LNX1: variants seen among roughly 807,000 people sequenced by gnomAD.
LNX1 encodes the protein ligand of numb-protein X 1, also known as E3 ubiquitin-protein ligase LNX.
In LNX1, 54 loss-of-function variants were observed where a neutral mutation model predicts 68.4. The observed-to-expected ratio is 0.79, with a 90% CI of 0.63 to 0.99. The LOEUF (loss-of-function observed/expected upper bound fraction) is 0.99. Among genes scored for constraint, LNX1 ranks in the 50% least tolerant of loss-of-function variants. LNX1 has a pLI of 0.00. For synonymous variants in LNX1, 336 were observed against 350.0 expected, an observed-to-expected ratio of 0.96 and a Z score of 0.45; for missense variants, 906 against 926.4, an observed-to-expected ratio of 0.98 and a Z score of 0.29.
chr4:53,477,293 C>A (rs1158795424), intron 8 of LNX1, among the ~76,000 whole-genome samples: 1 of 152,100 alleles, frequency 6.6e-6, no homozygotes, highest in Non-Finnish European at 1.5e-5. Flanking sequence ...TCAAAGAAAA[C>A]CTACTTTTTC....
chr4:53,488,492 A>G (rs1724472806), intron 6 of LNX1, among the ~76,000 whole-genome samples: 1 of 152,276 alleles, frequency 6.6e-6, no homozygotes, highest in Non-Finnish European at 1.5e-5. Context: ...GTGTGTGCAC[A>G]TGCAGAATAG....
chr4:53,527,940 T>C (rs953668249), intron 2 of LNX1, among the ~76,000 whole-genome samples: 20 of 152,252 alleles, frequency 1.3e-4, no homozygotes, highest in African/African-American at 3.9e-4. Flanking sequence ...TATGGTCTAA[T>C]AAAGTTTACT....
chr4:53,606,492 A>T (rs1733241784), intron 2 of LNX1, among the ~76,000 whole-genome samples: 1 of 152,064 alleles, frequency 6.6e-6, no homozygotes, highest in Non-Finnish European at 1.5e-5. Context: ...CAAACAAAAA[A>T]AAAACAGAAC....
At chr4:53,644,038 C>T (rs377216570) in intron 1 of LNX1, among the ~76,000 whole-genome samples, 12 of 152,214 alleles carry the variant, frequency 7.9e-5, no homozygotes, top group Admixed American at 4.6e-4. Context: ...CCCTGCTCCT[C>T]AAAAGCAAAA....
At chr4:53,523,820 A>C (rs1577658559) in intron 2 of LNX1, among the ~76,000 whole-genome samples, 1 of 152,296 alleles carries the variant, frequency 6.6e-6, no homozygotes, top group African/African-American at 2.4e-5. Context: ...ATTATCCTAA[A>C]ATACTCAATG....
chr4:53,473,366 G>A (rs2109395514), intron 9 of LNX1, among the ~76,000 whole-genome samples: 1 of 152,280 alleles, frequency 6.6e-6, no homozygotes, highest in Non-Finnish European at 1.5e-5. Flanking sequence ...AAAACATGCA[G>A]CACTATTTAC....
chr4:53,483,623 T>C (rs1724092900), intron 6 of LNX1, among the ~76,000 whole-genome samples: 1 of 152,154 alleles, frequency 6.6e-6, no homozygotes, highest in South Asian at 2.1e-4. Flanking sequence ...ATTAGAAAGA[T>C]TCCCAAGACA....
At chr4:53,621,269 C>T (rs1733869767), upstream of LNX1, among the ~76,000 whole-genome samples, 5 of 152,268 alleles carry the variant, frequency 3.3e-5, no homozygotes, top group Middle Eastern at 0.01. Context: ...ATTATATTCC[C>T]TGTGCAGTGC....
intron 6 of LNX1, among the ~76,000 whole-genome samples, chr4:53,490,116 A>G (rs1284243768): frequency 8.0e-6 from 1 of 125,478 alleles, no homozygotes; most frequent in Admixed American, 9.0e-5. Flanking sequence ...ATGAATTCTC[A>G]TTTAAATATT....
chr4:53,463,614 C>T (rs1722377964), intron 9 of LNX1, among the ~76,000 whole-genome samples: 1 of 144,496 alleles, frequency 6.9e-6, no homozygotes, highest in African/African-American at 2.6e-5. Context: ...CTATTCTGCA[C>T]TCATTCTCTA....
chr4:53,460,820 A>AAT lies in LNX1; in HGVS notation c.*85_*86dup. 7.9e-7 allele frequency: 1 copy of AAT among 1,269,632 alleles called. No homozygotes were observed. The highest frequency in any genetic ancestry group is 1.1e-6 in the Non-Finnish European group (1 of 911,388). The allele number at this position is 1,269,632 out of a possible 1,614,324, so 78.6% of individuals were successfully genotyped here. ...ATTTTTACAATGTATTCTTTCTTTA[A>AAT]ATATAAAAACTGACAAGATAAATAT... On this transcript the variant is annotated 3_prime_UTR_variant, in exon 11 of 11. Transcript: ENST00000263925.
At chr4:53,572,753 C>T (rs921381618) in intron 2 of LNX1, among the ~76,000 whole-genome samples, 4 of 152,140 alleles carry the variant, frequency 2.6e-5, no homozygotes, top group South Asian at 4.1e-4. Flanking sequence ...CCATCAGCAG[C>T]GGCAATCACA....
chr4:53,591,336 AG>A, intron 1 of LNX1, 51 bp downstream of exon 1: 1 of 951,560 alleles, frequency 1.1e-6, no homozygotes. Flanking sequence ...CAGATCCCTC[AG>A]GGGCCAGTGG....
intron 1 of LNX1, among the ~76,000 whole-genome samples, chr4:53,623,206 CTT>C (rs34868847): frequency 2.8e-5 from 4 of 142,302 alleles, no homozygotes; most frequent in Non-Finnish European, 1.5e-5. Flanking sequence ...GAGAGCAATT[CTT>C]TTTTTTTTTT....
At chr4:53,644,644 A>G (rs1734815443) in intron 1 of LNX1, among the ~76,000 whole-genome samples, 1 of 152,190 alleles carries the variant, frequency 6.6e-6, no homozygotes, top group Non-Finnish European at 1.5e-5. Flanking sequence ...GTCCTATTCC[A>G]GGAGGGAGCG....
At chr4:53,648,482 T>G (rs143736534) in intron 1 of LNX1, among the ~76,000 whole-genome samples, 1 of 152,182 alleles carries the variant, frequency 6.6e-6, no homozygotes, top group Non-Finnish European at 1.5e-5. Context: ...ACTGTAGGGG[T>G]TCTTTACATA....
At chr4:53,559,990 T>A (rs1278078902) in intron 2 of LNX1, among the ~76,000 whole-genome samples, 1 of 152,192 alleles carries the variant, frequency 6.6e-6, no homozygotes, top group African/African-American at 2.4e-5. Context: ...TTAGCGATAG[T>A]GAATGAGCCT....
intron 1 of LNX1, among the ~76,000 whole-genome samples, chr4:53,632,181 C>T (rs2572300): frequency 0.15 from 22,634 of 152,120 alleles, 2,156 homozygotes; most frequent in Admixed American, 0.25. Flanking sequence ...CTGGCCGCTG[C>T]GGTGGCCAGG....
intron 2 of LNX1, among the ~76,000 whole-genome samples, chr4:53,611,660 C>G (rs1366156128): frequency 6.6e-6 from 1 of 152,056 alleles, no homozygotes; most frequent in Non-Finnish European, 1.5e-5. Flanking sequence ...AATTGCAAAA[C>G]TGCAATTACT....
Sources: allele counts gnomAD v4.1 joint callset (sites outside exome capture counted in the v4.1 genomes callset), GRCh38; gene constraint gnomAD v4.1.1; transcripts MANE v1.5; gene names NCBI Gene and HGNC (gene_info 2026-07-23, HGNC 2026-07-21).